SLK: variants seen among roughly 807,000 people sequenced by gnomAD.
SLK encodes STE20 like kinase.
Under a neutral mutation model 147.7 loss-of-function variants are expected in SLK, and 67 were observed. The ratio of observed to expected loss-of-function variants is 0.45; its 90% confidence interval spans 0.37 to 0.56. The LOEUF (loss-of-function observed/expected upper bound fraction) is 0.56, where lower values mean the gene tolerates loss of function less well. Ranked by LOEUF, SLK falls within the 20% of genes least tolerant of loss-of-function variation. The pLI is 0.00. For missense variants in SLK, 1,136 were observed against 1,438.8 expected, an observed-to-expected ratio of 0.79 and a Z score of 3.41; for synonymous variants, 441 against 475.0, an observed-to-expected ratio of 0.93 and a Z score of 0.93.
At chr10:104,015,871 A>G (rs1844456138) in intron 13 of SLK, among the ~76,000 whole-genome samples, 1 of 151,916 alleles carries the variant, frequency 6.6e-6, no homozygotes, top group Admixed American at 6.6e-5. Context: ...TAAGATTTAT[A>G]TTTATGCTAG....
intron 1 of SLK, 125 bp downstream of exon 1, chr10:103,968,020 A>G: frequency 5.0e-6 from 5 of 992,628 alleles, no homozygotes; most frequent in Non-Finnish European, 7.4e-6. Context: ...GGTTCGATGC[A>G]ACTTTACTTG....
intron 9 of SLK, among the ~76,000 whole-genome samples, chr10:104,004,511 C>A (rs1265595723): frequency 6.6e-6 from 1 of 151,390 alleles, no homozygotes; most frequent in East Asian, 2.0e-4. Flanking sequence ...TTGGAGTCTG[C>A]CAACTTTAGA....
chr10:103,996,756 A>C (rs1266986149), intron 4 of SLK, among the ~76,000 whole-genome samples: 1 of 152,044 alleles, frequency 6.6e-6, no homozygotes, highest in Non-Finnish European at 1.5e-5. Context: ...CCGACAGGAA[A>C]GTTTTCTGGA....
intron 11 of SLK, among the ~76,000 whole-genome samples, chr10:104,006,552 G>A (rs1844328556): frequency 3.9e-5 from 6 of 152,182 alleles, no homozygotes; most frequent in Admixed American, 3.9e-4. Flanking sequence ...CTAGTCCTGG[G>A]TAGCTGTCAC....
Position 104,002,987 on chromosome 10 carries a change from A to G in SLK, c.1809A>G (p.Lys603=), listed in dbSNP as rs1263432843. 1 of 1,613,894 alleles carries G rather than the reference A, an allele frequency of 6.2e-7. No individual in the cohort carries two copies. Among genetic ancestry groups the G allele is most frequent in the Non-Finnish European group, 8.5e-7 (1 of 1,179,804 alleles). The part of the protein sequence containing the change: ...EAGGTKEVPI[K]EIVEMNEIEE... ...GTGGTACTAAGGAAGTTCCTATTAA[A>G]GAAATAGTTGAAATGAATGAAATAG... Residue 603 remains lysine (K), a synonymous_variant, in exon 9 of 19, where the codon AAA becomes AAG. Transcript: ENST00000369755.
intron 12 of SLK, among the ~76,000 whole-genome samples, chr10:104,009,071 AGAAG>A (rs1440482261): frequency 6.9e-6 from 1 of 145,290 alleles, no homozygotes; most frequent in African/African-American, 2.6e-5. Context: ...TCATTGCTTC[AGAAG>A]GAAGATTTAC....
chr10:104,000,035 A>G (rs1263650171), intron 7 of SLK, 87 bp downstream of exon 7: 1 of 611,476 alleles, frequency 1.6e-6, no homozygotes, highest in Non-Finnish European at 2.8e-6. Flanking sequence ...CTTTCCACTT[A>G]AATTTCCCTG....
intron 1 of SLK, among the ~76,000 whole-genome samples, chr10:103,979,787 T>G (rs1843918019): frequency 6.6e-6 from 1 of 152,212 alleles, no homozygotes; most frequent in African/African-American, 2.4e-5. Flanking sequence ...ATGAGGCACA[T>G]ATTTTCTTTT....
chr10:103,986,476 GAGA>G (rs1277957802), intron 1 of SLK, among the ~76,000 whole-genome samples: 20 of 152,124 alleles, frequency 1.3e-4, no homozygotes, highest in Non-Finnish European at 2.2e-4. Context: ...CATCTGACAG[GAGA>G]CAGAGCTCAG....
At chr10:103,968,060 C>T (rs1484803355) in intron 1 of SLK, among the ~76,000 whole-genome samples, 165 bp downstream of exon 1, 3 of 151,902 alleles carry the variant, frequency 2.0e-5, no homozygotes, top group Admixed American at 1.3e-4. Flanking sequence ...GCTAAGAAGT[C>T]GGGTTTACGG....
intron 4 of SLK, among the ~76,000 whole-genome samples, chr10:103,997,625 A>G (rs1844192577): frequency 6.6e-6 from 1 of 151,904 alleles, no homozygotes; most frequent in South Asian, 2.1e-4. Flanking sequence ...CTGGGTGTGA[A>G]GCGGTAATGG....
chr10:103,984,604 A>G (rs1049883653), intron 1 of SLK, among the ~76,000 whole-genome samples: 42 of 152,250 alleles, frequency 2.8e-4, no homozygotes, highest in Admixed American at 8.5e-4. Context: ...TGGTAGAGAC[A>G]GTATTTCGCC....
Position 103,999,282 on chromosome 10 carries a change from G to A in SLK, c.751G>A (p.Glu251Lys), listed in dbSNP as rs1367504864. ...MRVLLKIAKS[E>K]PPTLAQPSRW... ...AGTGCTGCTAAAAATAGCAAAATCT[G>A]AGCCACCTACATTAGCACAGCCATC... The change falls in exon 6 of 19, where the codon GAG becomes AAG. Residue 251 changes from glutamate (E) to lysine (K), a missense_variant. By Grantham distance (56) the Glu-to-Lys change is moderately conservative. Transcript: ENST00000369755. 1 of 1,612,436 alleles carries A rather than the reference G, an allele frequency of 6.2e-7. No homozygotes were observed. The highest frequency in any genetic ancestry group is 1.3e-5 in the African/African-American group (1 of 74,798).
intron 6 of SLK, 67 bp from the exon 7 acceptor site, chr10:103,999,800 C>A: frequency 1.5e-6 from 1 of 653,034 alleles, no homozygotes; most frequent in Non-Finnish European, 2.7e-6. Context: ...CATAACTTAT[C>A]AAAGAGTTTT....
rs1237269054 is a variant in SLK, at chr10:104,026,032, ATT to A, written c.*314_*315del. 1 of 210,580 alleles carries A rather than the reference ATT, an allele frequency of 4.7e-6. No individual in the cohort carries two copies. Among genetic ancestry groups the A allele is most frequent in the East Asian group, 1.0e-4 (1 of 10,002 alleles). 13.0% of individuals were successfully genotyped at this position (210,580 alleles called of 1,614,324 possible). ...TGTTGGAGAAATAATGTTTAAAGTT[ATT>A]TAAGAAAAACTGTTACATCACTAAG... On this transcript the variant is annotated 3_prime_UTR_variant, in exon 19 of 19. Coordinates refer to ENST00000369755, the MANE Select transcript of SLK (RefSeq NM_014720.4).
chr10:103,977,522 G>A (rs1443653794), intron 1 of SLK, among the ~76,000 whole-genome samples: 2 of 152,164 alleles, frequency 1.3e-5, no homozygotes, highest in Non-Finnish European at 2.9e-5. Context: ...GGCTGAAGTG[G>A]GAGGATCCCT....
chr10:103,974,586 G>A (rs1463580956), intron 1 of SLK: 1 of 57,398 alleles, frequency 1.7e-5, no homozygotes, highest in African/African-American at 6.6e-5. Context: ...CTGCACTCCC[G>A]CCTGGGCCAC....
At chr10:104,015,157 G>A (rs561693868) in intron 13 of SLK, among the ~76,000 whole-genome samples, 1 of 152,048 alleles carries the variant, frequency 6.6e-6, no homozygotes, top group Non-Finnish European at 1.5e-5. Flanking sequence ...TACAGTGTCC[G>A]ACTACATAGT....
chr10:103,995,193 T>A (rs1487634957), intron 4 of SLK, among the ~76,000 whole-genome samples: 1 of 152,150 alleles, frequency 6.6e-6, no homozygotes, highest in Non-Finnish European at 1.5e-5. Context: ...GTTCATGGAT[T>A]TAATTTTATT....
Sources: gnomAD v4.1 joint callset for allele counts (sites outside exome capture counted in the v4.1 genomes callset) on GRCh38, gnomAD v4.1.1 for gene constraint, MANE v1.5 for transcripts, NCBI Gene and HGNC (gene_info 2026-07-23, HGNC 2026-07-21) for gene names.